TXLNA: variants seen among roughly 807,000 people sequenced by gnomAD.
TXLNA encodes taxilin alpha.
In TXLNA, 9 loss-of-function variants were observed where a neutral mutation model predicts 61.4. The ratio of observed to expected loss-of-function variants is 0.15; its 90% CI spans 0.09 to 0.26. The LOEUF is 0.26. TXLNA is among the 10% of genes least tolerant of loss of function. TXLNA has a pLI of 1.00. For missense variants in TXLNA, 565 were observed against 688.8 expected (o/e 0.82, Z 2.01); for synonymous variants, 257 against 267.7 (o/e 0.96, Z 0.39).
chr1:32,185,549 T>G (rs1364108853), intron 4 of TXLNA, among the ~76,000 whole-genome samples: 1 of 148,378 alleles, frequency 6.7e-6, no homozygotes, highest in East Asian at 2.0e-4. Context: ...CCCGCCACCA[T>G]GCTAGGCTAT....
chr1:32,193,132 G>C, intron 8 of TXLNA, 76 bp from the exon 9 acceptor site: 1 of 904,192 alleles, frequency 1.1e-6, no homozygotes, highest in Non-Finnish European at 1.9e-6. Flanking sequence ...GAGAGTCAAG[G>C]ACGGGTCTGA....
At chr1:32,182,248 T>G (rs1642680160) in intron 3 of TXLNA, among the ~76,000 whole-genome samples, 2 of 152,108 alleles carry the variant, frequency 1.3e-5, no homozygotes, top group South Asian at 4.1e-4. Flanking sequence ...TGCCTGCGAA[T>G]TGCAGTCTCC....
rs927112366 is a variant in TXLNA at position 32,192,611 on chromosome 1, C to T, written c.1084-46C>T. On this transcript the variant is annotated intron_variant, in intron 7 of 10. Coordinates refer to ENST00000373610, the MANE Select transcript of TXLNA (RefSeq NM_175852.4). This position sits in a 1 kb window ranked among gnomAD's most constrained non-coding sequence, Gnocchi z 4.2. ...GCTTGTGGCTAAAAACCAAACATAG[C>T]CCCTGGGGGCTTCTGACAGGATCTG... 6.2e-7 allele frequency: 1 copy of T among 1,610,790 alleles called. No individual in the cohort carries two copies. The highest frequency in any genetic ancestry group is 1.7e-5 in the Admixed American group (1 of 59,952).
Position 32,191,836 on chromosome 1 carries a change from C to T in TXLNA, c.964-475C>T, listed in dbSNP as rs190400844. Among the ~76,000 whole-genome samples the T allele has an allele frequency of 3.2e-3, 490 of 152,366 alleles. 1 individual carries two copies. Among genetic ancestry groups the T allele is most frequent in the African/African-American group, 0.011 (462 of 41,578 alleles). On this transcript the variant is annotated intron_variant, in intron 6 of 10. Transcript: ENST00000373610. ...TCTCTCACCTGACACAGGTCTGCAG[C>T]GCTCCTCTAGTAGGCAGGACAGCCA...
chr1:32,186,950 T>C (rs1046481187), intron 4 of TXLNA, among the ~76,000 whole-genome samples: 2 of 152,214 alleles, frequency 1.3e-5, no homozygotes, highest in African/African-American at 2.4e-5. Context: ...AGTGTCTCAG[T>C]CACCCAGGCT....
rs149544790 is a variant in TXLNA, at chr1:32,189,527, T to C, written c.769-528T>C. On this transcript the variant is annotated intron_variant, in intron 5 of 10. Coordinates refer to ENST00000373610, the MANE Select transcript of TXLNA (RefSeq NM_175852.4). ...GCACTTACATGTGTGCATGTGTGCC[T>C]GCATTTTTTCTTCCTTTTTTTTTTT... 2.3e-3 allele frequency among the ~76,000 whole-genome samples: 346 copies of C among 151,688 alleles called. 1 individual carries two copies. Among genetic ancestry groups the C allele is most frequent in the Non-Finnish European group, 4.3e-3 (292 of 67,930 alleles).
rs1557507944 is a variant in TXLNA at position 32,194,938 on chromosome 1, G to A, written c.1384G>A (p.Val462Ile). 2 of 1,613,798 alleles carry A rather than the reference G, an allele frequency of 1.2e-6. No individual in the cohort carries two copies. Among genetic ancestry groups the A allele is most frequent in the Non-Finnish European group, 1.7e-6 (2 of 1,179,892 alleles). ...VRDKELEGLQ[V>I]KIQRLEKLCR... Reference sequence around the variant, plus strand: ...GGATAAAGAACTGGAGGGCCTGCAGGTAAAAATCCAACGGCTGGAGAAGCT... The same window carrying A: ...GGATAAAGAACTGGAGGGCCTGCAGATAAAAATCCAACGGCTGGAGAAGCT... The change falls in exon 11 of 11, where the codon GTA (valine) becomes ATA (isoleucine). Residue 462 changes from valine (V) to isoleucine (I), a missense_variant. Physicochemically the swap from Val to Ile is conservative, Grantham distance 29. Transcript: ENST00000373610.
chr1:32,193,864 A>G (rs1642958032), intron 9 of TXLNA, among the ~76,000 whole-genome samples: 1 of 151,968 alleles, frequency 6.6e-6, no homozygotes, highest in Non-Finnish European at 1.5e-5. Context: ...GCCCCTTACC[A>G]TTCCTTGTTA....
chr1:32,193,205 C>T lies in TXLNA; in HGVS notation c.1159-3C>T, dbSNP rs1642944052. On this transcript the variant is annotated splice_polypyrimidine_tract_variant and splice_region_variant and intron_variant, in intron 8 of 10. Transcript: ENST00000373610. ...TTATCTGTGGGCTGCTTTCTCCCCA[C>T]AGCTTGCCCTATACACAGAGAAGTT... 1.9e-6 allele frequency: 3 copies of T among 1,612,588 alleles called. No homozygotes were observed. The highest frequency in any genetic ancestry group is 1.3e-5 in the African/African-American group (1 of 74,864).
At position 32,192,017 on chromosome 1, in the gene TXLNA, G is replaced by T. The variant is rs921886040; in HGVS notation, c.964-294G>T. ...GAAGTGAGGGCTTCCAGCCCCATAG[G>T]TGATCAATCCTGGGGTCAGAGATTT... On this transcript the variant is annotated intron_variant, in intron 6 of 10. Transcript: ENST00000373610. The surrounding 1 kb of genome is among the most constrained non-coding windows in gnomAD (Gnocchi z 4.2). Among the ~76,000 whole-genome samples the T allele has an allele frequency of 1.1e-4, 16 of 152,372 alleles. No homozygotes were observed. The highest frequency in any genetic ancestry group is 5.9e-4 in the Admixed American group (9 of 15,306).
At chr1:32,189,076 G>A (rs1642849612) in intron 5 of TXLNA, among the ~76,000 whole-genome samples, 1 of 151,980 alleles carries the variant, frequency 6.6e-6, no homozygotes, top group Non-Finnish European at 1.5e-5. Flanking sequence ...CTATCAGTAT[G>A]TGTAGGGCTA....
Position 32,192,421 on chromosome 1 carries a change from G to T in TXLNA, c.1074G>T (p.Glu358Asp), listed in dbSNP as rs190911439. The T allele has an allele frequency of 1.6e-5, 26 of 1,612,980 alleles. No homozygotes were observed. The African/African-American group carries it at 3.5e-4, about 22-fold the overall frequency. The part of the protein sequence containing the change: ...LKEAEERHQR[E>D]KDFLLKEAVE... ...AGGCAGAAGAGCGGCACCAGCGGGA[G>T]AAGGATTTTGTGAGGCTCAGGCCCC... The change falls in exon 7 of 11, where the codon GAG (glutamate) becomes GAT (aspartate). Residue 358 changes from glutamate (E) to aspartate (D), a missense_variant. Around this residue, in one of 2 missense-constraint regions of TXLNA, gnomAD observed 373 missense variants for 504.0 expected, o/e 0.74. Transcript: ENST00000373610. The surrounding 1 kb of genome is among the most constrained non-coding windows in gnomAD (Gnocchi z 4.2).
chr1:32,181,214 C>A, intron 2 of TXLNA, 28 bp from the exon 3 acceptor site: 2 of 1,517,338 alleles, frequency 1.3e-6, no homozygotes, highest in Non-Finnish European at 1.8e-6. Flanking sequence ...TTCTTTCTCA[C>A]TCTACCCCTC....
intron 6 of TXLNA, 72 bp downstream of exon 6, chr1:32,190,321 A>G (rs1642878544): frequency 2.1e-6 from 3 of 1,423,966 alleles, no homozygotes; most frequent in Admixed American, 4.2e-5. Flanking sequence ...GCACTGGGAC[A>G]GTACCTTTTC....
At position 32,187,936 on chromosome 1, in the gene TXLNA, C is replaced by A; in HGVS notation, c.598-18C>A. ...GCCCCACAAGATGCTCACCTGCCCT[C>A]CCTATCCCTGTCCCCAGCTGGAGGA... is the stretch of plus-strand genomic sequence containing the variant. On this transcript the variant is annotated intron_variant, in intron 4 of 10. Coordinates refer to ENST00000373610, the MANE Select transcript of TXLNA (RefSeq NM_175852.4). 1 of 1,611,774 alleles carries A rather than the reference C, an allele frequency of 6.2e-7. No homozygotes were observed. The highest frequency in any genetic ancestry group is 8.5e-7 in the Non-Finnish European group (1 of 1,178,540).
Position 32,195,070 on chromosome 1 carries a change from G to A in TXLNA, c.1516G>A (p.Glu506Lys). 6.2e-7 allele frequency: 1 copy of A among 1,614,188 alleles called. No homozygotes were observed. The highest frequency in any genetic ancestry group is 8.5e-7 in the Non-Finnish European group (1 of 1,180,016). ...TGACAGTGGCCCTGAGAGGAGGCCA[G>A]AGGGGCCTGGGGCTCAAGCACCCAG... is the stretch of plus-strand genomic sequence containing the variant. ...LTDSGPERRP[E>K]GPGAQAPSSP... The change falls in exon 11 of 11, where the codon GAG becomes AAG. Residue 506 changes from glutamate to lysine, a missense_variant. This residue lies in a region of TXLNA where 373 missense variants were observed against 504.0 expected (regional missense o/e 0.74). Coordinates refer to ENST00000373610, the MANE Select transcript of TXLNA (RefSeq NM_175852.4).
rs1230245862 is a variant in TXLNA at position 32,193,291 on chromosome 1, G to C, written c.1242G>C (p.Glu414Asp). 6.2e-7 allele frequency: 1 copy of C among 1,612,840 alleles called. No individual in the cohort carries two copies. The highest frequency in any genetic ancestry group is 1.3e-5 in the African/African-American group (1 of 74,796). ...AGGTATTCACCACATTCAAGCAGGA[G>C]ATGGAAAAGGTAACTGTGGTCCAGG... ...SSEVFTTFKQ[E>D]MEKMTKKIKK... Residue 414 changes from glutamate to aspartate, a missense_variant, in exon 9 of 11, where the codon GAG (glutamate) becomes GAC (aspartate). Physicochemically the swap from Glu to Asp is conservative, Grantham distance 45. Coordinates refer to ENST00000373610, the MANE Select transcript of TXLNA (RefSeq NM_175852.4).
chr1:32,189,399 T>G (rs1322245005), intron 5 of TXLNA, among the ~76,000 whole-genome samples: 1 of 152,212 alleles, frequency 6.6e-6, no homozygotes, highest in Non-Finnish European at 1.5e-5. Flanking sequence ...TACTAAATTT[T>G]AACAGCTTGG....
Position 32,190,186 on chromosome 1 carries a change from A to C in TXLNA, c.900A>C (p.Gln300His). 1.2e-6 allele frequency: 2 copies of C among 1,604,818 alleles called. No homozygotes were observed. The highest frequency in any genetic ancestry group is 8.5e-7 in the Non-Finnish European group (1 of 1,175,482). The change falls in exon 6 of 11, where the codon CAA becomes CAC. Residue 300 changes from glutamine to histidine, a missense_variant. Gln to His is a conservative substitution (Grantham distance 24). This residue lies in a region of TXLNA where 373 missense variants were observed against 504.0 expected (regional missense o/e 0.74). Coordinates refer to ENST00000373610, the MANE Select transcript of TXLNA (RefSeq NM_175852.4). ...ATGAGCGCAACTCCAAGCTGCGCCA[A>C]GAGAACATGGAGCTGGCTGAGAGGC... is the stretch of plus-strand genomic sequence containing the variant. ...QHNERNSKLRQENMELAERLK... is the reference protein window; with the variant it reads ...QHNERNSKLRHENMELAERLK...
Sources: gnomAD v4.1 joint callset for allele counts (sites outside exome capture counted in the v4.1 genomes callset) on GRCh38, gnomAD v4.1.1 for gene constraint, gnomAD v4.1.1 regional missense constraint, Gnocchi (gnomAD v3.1) non-coding constraint, MANE v1.5 for transcripts, NCBI Gene and HGNC (gene_info 2026-07-23, HGNC 2026-07-21) for gene names.